Variants in FTCDNL1 observed in about 807,000 individuals in gnomAD.
FTCDNL1 encodes the protein formiminotransferase N-terminal subdomain-containing protein.
Under a neutral mutation model 5.9 loss-of-function variants are expected in FTCDNL1, and 11 were observed. The ratio of observed to expected loss-of-function variants is 1.87; its 90% CI spans 1.18 to 3.10. FTCDNL1 has a LOEUF of 3.10. Ranked by LOEUF, FTCDNL1 falls within the 30% of genes most tolerant of loss-of-function variation. The probability of loss-of-function intolerance (pLI) is 0.00; values close to 1 mark genes in which losing one functional copy is unlikely to be tolerated. For missense variants in FTCDNL1, 115 were observed against 65.5 expected (o/e 1.76, Z -2.61); for synonymous variants, 58 against 24.8 (o/e 2.34, Z -3.99).
chr2:199,749,307 T>A, the FTCDNL1 span, among the ~76,000 whole-genome samples: 20 of 152,140 alleles, frequency 1.3e-4, no homozygotes, highest in African/African-American at 4.6e-4. Flanking sequence ...TGGGAATAAA[T>A]ACATGGCTAA....
chr2:199,767,914 A>C (rs1428729955), intron 3 of FTCDNL1, among the ~76,000 whole-genome samples: 2 of 152,190 alleles, frequency 1.3e-5, no homozygotes, highest in Non-Finnish European at 2.9e-5. Context: ...CTAACTTTTA[A>C]AACCTCCAGA....
At chr2:199,785,627 T>G (rs1375910025) in intron 3 of FTCDNL1, 1 of 152,132 alleles carries the variant, frequency 6.6e-6, no homozygotes, top group African/African-American at 2.4e-5. Context: ...TAGTTATTAT[T>G]GGCAGCAATT....
intron 3 of FTCDNL1, among the ~76,000 whole-genome samples, chr2:199,840,402 T>C (rs771055257): frequency 2.0e-5 from 3 of 152,210 alleles, no homozygotes; most frequent in African/African-American, 7.2e-5. Flanking sequence ...CCACTAACTA[T>C]TGACCCAAAT....
chr2:199,765,215 C>T (rs946983075), intron 3 of FTCDNL1, among the ~76,000 whole-genome samples: 1 of 152,068 alleles, frequency 6.6e-6, no homozygotes, highest in African/African-American at 2.4e-5. Flanking sequence ...GACTGTACAA[C>T]ACCAAGAGTG....
the FTCDNL1 span, among the ~76,000 whole-genome samples, chr2:199,738,538 C>T: frequency 0.13 from 19,803 of 151,330 alleles, 1,475 homozygotes; most frequent in Middle Eastern, 0.3. Flanking sequence ...CTTTTTTTTT[C>T]CCCCTTGCAA....
At chr2:199,718,469 A>C in the FTCDNL1 span, among the ~76,000 whole-genome samples, 1 of 152,192 alleles carries the variant, frequency 6.6e-6, no homozygotes, top group Non-Finnish European at 1.5e-5. Flanking sequence ...ACGTAGGTTG[A>C]TTCCATGTCT....
chr2:199,738,990 C>T, the FTCDNL1 span, among the ~76,000 whole-genome samples: 4 of 152,124 alleles, frequency 2.6e-5, no homozygotes, highest in African/African-American at 9.7e-5. Context: ...ACAGGCGTTG[C>T]AATAAATTCT....
intron 3 of FTCDNL1, among the ~76,000 whole-genome samples, chr2:199,770,513 T>C (rs1415841221): frequency 6.6e-6 from 1 of 152,220 alleles, no homozygotes; most frequent in Non-Finnish European, 1.5e-5. Flanking sequence ...TACTTCTTCA[T>C]ATCTGAATCC....
the FTCDNL1 span, among the ~76,000 whole-genome samples, chr2:199,699,336 G>A: frequency 6.6e-6 from 1 of 152,090 alleles, no homozygotes. Flanking sequence ...GTGTAGTGGT[G>A]TATACCTATA....
chr2:199,713,297 G>C, the FTCDNL1 span, among the ~76,000 whole-genome samples: 3 of 151,968 alleles, frequency 2.0e-5, no homozygotes, highest in Non-Finnish European at 4.4e-5. Context: ...TAAAACACCA[G>C]ACAAAACAAA....
chr2:199,785,249 C>CTTTTTTTTTTTTTTTTTTTTTT lies in FTCDNL1; in HGVS notation c.212-24415_212-24414insAAAAAAAAAAAAAAAAAAAAAA, dbSNP rs61047289. ...AGGGTCTCTAAACTCTTCCAAATTC[C>CTTTTTTTTTTTTTTTTTTTTTT]TTTTTTTTTTTTTTTTGAGACAGAA... is the stretch of plus-strand genomic sequence containing the variant. On this transcript the variant is annotated intron_variant, in intron 3 of 3. Transcript: ENST00000416668. Among the ~76,000 whole-genome samples the CTTTTTTTTTTTTTTTTTTTTTT allele has an allele frequency of 4.8e-4, 37 of 76,864 alleles. 12 individuals are homozygous for CTTTTTTTTTTTTTTTTTTTTTT. Among genetic ancestry groups the CTTTTTTTTTTTTTTTTTTTTTT allele is most frequent in the African/African-American group, 1.5e-3 (26 of 17,642 alleles). 50.4% of individuals were successfully genotyped at this position (76,864 alleles called of 152,430 possible).
chr2:199,731,159 C>G, the FTCDNL1 span, among the ~76,000 whole-genome samples: 2 of 152,060 alleles, frequency 1.3e-5, no homozygotes, highest in African/African-American at 2.4e-5. Flanking sequence ...CACATGGACA[C>G]AGGGAGGGGA....
At chr2:199,839,853 T>C (rs1257708836) in intron 3 of FTCDNL1, among the ~76,000 whole-genome samples, 1 of 152,200 alleles carries the variant, frequency 6.6e-6, no homozygotes, top group Non-Finnish European at 1.5e-5. Flanking sequence ...AGTGTGAAGG[T>C]AGAATAATGG....
chr2:199,760,955 T>C, intron 3 of FTCDNL1: 3 of 684,670 alleles, frequency 4.4e-6, no homozygotes, highest in Non-Finnish European at 5.4e-6. Flanking sequence ...AGTAGCTACC[T>C]GGCAGCTGTC....
intron 3 of FTCDNL1, among the ~76,000 whole-genome samples, chr2:199,828,176 A>C (rs1483640334): frequency 6.6e-6 from 1 of 152,198 alleles, no homozygotes. Context: ...AAAATCTCAT[A>C]TTTAGTCAGA....
At chr2:199,689,085 T>G in the FTCDNL1 span, among the ~76,000 whole-genome samples, 2 of 152,248 alleles carry the variant, frequency 1.3e-5, no homozygotes, top group African/African-American at 2.4e-5. Flanking sequence ...TCAACAATTG[T>G]TTCTCAATTG....
intron 3 of FTCDNL1, among the ~76,000 whole-genome samples, chr2:199,800,187 T>C (rs1292097697): frequency 6.6e-6 from 1 of 152,154 alleles, no homozygotes; most frequent in Non-Finnish European, 1.5e-5. Context: ...CTCTAGGAAC[T>C]GGAGAGCAAA....
chr2:199,750,106 C>CA, the FTCDNL1 span, among the ~76,000 whole-genome samples: 5 of 151,518 alleles, frequency 3.3e-5, no homozygotes, highest in Non-Finnish European at 5.9e-5. Context: ...GTGATCCCAA[C>CA]ACTTTGGGAG....
At chr2:199,719,309 G>A in the FTCDNL1 span, among the ~76,000 whole-genome samples, 3 of 152,152 alleles carry the variant, frequency 2.0e-5, no homozygotes, top group Non-Finnish European at 4.4e-5. Flanking sequence ...TCTTTCCCCA[G>A]TGTATATTCT....
Sources: gnomAD v4.1 joint callset for allele counts (sites outside exome capture counted in the v4.1 genomes callset) on GRCh38, gnomAD v4.1.1 for gene constraint, MANE v1.5 for transcripts, NCBI Gene and HGNC (gene_info 2026-07-23, HGNC 2026-07-21) for gene names.